LYZL4: variants seen among roughly 807,000 people sequenced by gnomAD.
LYZL4 encodes the protein lysozyme like 4.
In LYZL4, 13 loss-of-function variants were observed where a neutral mutation model predicts 17.6. That is an observed-to-expected ratio of 0.74 (90% confidence interval 0.48 to 1.18). LYZL4 has a LOEUF of 1.18. LYZL4 is among the 50% of genes most tolerant of loss of function. The pLI, the probability that LYZL4 is intolerant of heterozygous loss-of-function variation, is 0.00. For missense variants in LYZL4, 174 were observed against 188.2 expected (o/e 0.92, Z 0.44); for synonymous variants, 64 against 67.7 (o/e 0.95, Z 0.27).
At chr3:42,364,674 A>G in the LYZL4 span, among the ~76,000 whole-genome samples, 149 of 151,938 alleles carry the variant, frequency 9.8e-4, no homozygotes, top group African/African-American at 3.4e-3. Context: ...GGGTCTTGCT[A>G]TCTTGGCCAG....
downstream of LYZL4, among the ~76,000 whole-genome samples, chr3:42,396,492 C>T (rs1445302931): frequency 6.6e-6 from 1 of 152,168 alleles, no homozygotes; most frequent in Non-Finnish European, 1.5e-5. Context: ...GGAAAAGTGT[C>T]TTACCTTATT....
the LYZL4 span, among the ~76,000 whole-genome samples, chr3:42,377,641 G>C: frequency 5.3e-5 from 8 of 151,426 alleles, no homozygotes; most frequent in African/African-American, 1.9e-4. Flanking sequence ...GTGTGTGTGT[G>C]TGTGTGTGTG....
chr3:42,369,925 T>C, the LYZL4 span, among the ~76,000 whole-genome samples: 1 of 152,104 alleles, frequency 6.6e-6, no homozygotes, highest in Admixed American at 6.5e-5. Context: ...TGCATACCTG[T>C]AATCCCAGCT....
the LYZL4 span, among the ~76,000 whole-genome samples, chr3:42,360,937 A>G: frequency 4.1e-4 from 62 of 152,274 alleles, no homozygotes; most frequent in South Asian, 1.2e-3. Context: ...TTCAATTTTC[A>G]AGTTTGTCTT....
chr3:42,380,608 C>G, the LYZL4 span, among the ~76,000 whole-genome samples: 1 of 152,086 alleles, frequency 6.6e-6, no homozygotes, highest in African/African-American at 2.4e-5. Flanking sequence ...AGGGTGGGGC[C>G]CGGAGACCAG....
chr3:42,393,904 G>A (rs1168271324), downstream of LYZL4, among the ~76,000 whole-genome samples: 3 of 152,158 alleles, frequency 2.0e-5, no homozygotes, highest in African/African-American at 2.4e-5. Context: ...TGATTCTCAT[G>A]CTTCAGCCTC....
chr3:42,400,784 G>A (rs1346164154), intron 4 of LYZL4, among the ~76,000 whole-genome samples: 6 of 152,142 alleles, frequency 3.9e-5, no homozygotes, highest in African/African-American at 1.2e-4. Flanking sequence ...TGGGACGGGG[G>A]GAGAAAAGGT....
the LYZL4 span, among the ~76,000 whole-genome samples, chr3:42,377,313 G>C: frequency 1.8e-3 from 281 of 152,198 alleles, 1 homozygote; most frequent in African/African-American, 6.6e-3. Flanking sequence ...TTTCTGGGTT[G>C]AAAAAATCTC....
chr3:42,396,718 T>C (rs1698554611), downstream of LYZL4, among the ~76,000 whole-genome samples: 1 of 152,264 alleles, frequency 6.6e-6, no homozygotes, highest in Non-Finnish European at 1.5e-5. Context: ...AATGCAAATA[T>C]GTGTTATTTA....
At chr3:42,383,169 C>T in the LYZL4 span, among the ~76,000 whole-genome samples, 1 of 152,130 alleles carries the variant, frequency 6.6e-6, no homozygotes, top group Admixed American at 6.5e-5. Context: ...ATACTGAAAA[C>T]AAGAGGTTTA....
chr3:42,367,012 A>G, the LYZL4 span, among the ~76,000 whole-genome samples: 1 of 152,326 alleles, frequency 6.6e-6, no homozygotes, highest in African/African-American at 2.4e-5. Context: ...ATAGACAGCA[A>G]TCAGTTGTGG....
chr3:42,377,869 A>T, the LYZL4 span, among the ~76,000 whole-genome samples: 1 of 152,224 alleles, frequency 6.6e-6, no homozygotes, highest in Non-Finnish European at 1.5e-5. Context: ...AGCCTTCGGC[A>T]GATCTGTGGA....
At chr3:42,384,504 GAGA>G in the LYZL4 span, among the ~76,000 whole-genome samples, 2 of 152,056 alleles carry the variant, frequency 1.3e-5, no homozygotes, top group African/African-American at 2.4e-5. Context: ...AGGTTTCTTC[GAGA>G]AGATGAACTG....
Position 42,407,312 on chromosome 3 carries a change from G to T in LYZL4, c.-61C>A. On this transcript the variant is annotated 5_prime_UTR_variant, in exon 2 of 5. Coordinates refer to ENST00000287748, the MANE Select transcript of LYZL4 (RefSeq NM_144634.4). ...GCCAGATGAGTGGGTGGAGTCACAG[G>T]GACACTGGTTCTCTGAAGGGAAAGA... 1.2e-6 allele frequency: 2 copies of T among 1,609,380 alleles called. No homozygotes were observed. Among genetic ancestry groups the T allele is most frequent in the South Asian group, 2.2e-5 (2 of 90,334 alleles).
At chr3:42,365,335 C>T in the LYZL4 span, among the ~76,000 whole-genome samples, 3 of 152,150 alleles carry the variant, frequency 2.0e-5, no homozygotes, top group African/African-American at 7.2e-5. Flanking sequence ...CCAATTGCCA[C>T]AAAATGCTGT....
rs752462879 is a variant in LYZL4 at position 42,406,847 on chromosome 3, G to A, written c.291C>T (p.Ser97=). ...CACGGAATGGAAAGAGGGACTTACC[G>A]GAACATGACATATGGCAGCGGTTCC... ...HGRNRCHMSC[S]ALLNPNLEKT... is the part of the protein sequence containing the mutation. The change falls in exon 3 of 5, where the codon TCC becomes TCT. Residue 97 remains serine, a splice_region_variant and synonymous_variant. Coordinates refer to ENST00000287748, the MANE Select transcript of LYZL4 (RefSeq NM_144634.4). 1.1e-5 allele frequency: 17 copies of A among 1,613,936 alleles called. No homozygotes were observed. The highest frequency in any genetic ancestry group is 1.6e-4 in the Middle Eastern group (1 of 6,062).
At chr3:42,393,995 G>A (rs143483372), downstream of LYZL4, among the ~76,000 whole-genome samples, 4,390 of 152,246 alleles carry the variant, frequency 0.029, 213 homozygotes, top group African/African-American at 0.1. Flanking sequence ...GTTTGGCCAT[G>A]TTGGCCAGGC....
Position 42,397,276 on chromosome 3 carries a change from A to C in LYZL4, c.430T>G (p.Cys144Gly). ...GGCCATGCAGGTGGCTACAGCTTGC[A>C]ACCATCCAGCCACCGTGCCAGGGTA... The part of the protein sequence containing the change: ...SDTLARWLDG[C>G]KL The change falls in exon 5 of 5, where the codon TGC (cysteine) becomes GGC (glycine). Residue 144 changes from cysteine (C) to glycine (G), a missense_variant. By Grantham distance (159) the Cys-to-Gly change is radical (BLOSUM62 -3). Coordinates refer to ENST00000287748, the MANE Select transcript of LYZL4 (RefSeq NM_144634.4). 1 of 1,566,598 alleles carries C rather than the reference A, an allele frequency of 6.4e-7. No individual in the cohort carries two copies. The highest frequency in any genetic ancestry group is 8.7e-7 in the Non-Finnish European group (1 of 1,155,298).
At chr3:42,375,743 A>C in the LYZL4 span, among the ~76,000 whole-genome samples, 1 of 152,214 alleles carries the variant, frequency 6.6e-6, no homozygotes, top group Admixed American at 6.5e-5. Context: ...AGTTCTCCTT[A>C]TTAAAGAATA....
Sources: gnomAD v4.1 joint callset for allele counts (sites outside exome capture counted in the v4.1 genomes callset) on GRCh38, gnomAD v4.1.1 for gene constraint, MANE v1.5 for transcripts, NCBI Gene and HGNC (gene_info 2026-07-23, HGNC 2026-07-21) for gene names.